The following RBM27 variants were observed in gnomAD, a reference collection of about 807,000 sequenced individuals.
The protein encoded by RBM27 is RNA-binding protein 27.
In RBM27, 22 loss-of-function variants were observed where a neutral mutation model predicts 135.3. The observed-to-expected ratio is 0.16, with a 90% CI of 0.12 to 0.23. The LOEUF (loss-of-function observed/expected upper bound fraction) is 0.23, where lower values mean the gene tolerates loss of function less well. RBM27 is among the 10% of genes least tolerant of loss of function. The pLI is 1.00. For missense variants in RBM27, 1,009 were observed against 1,281.0 expected, an observed-to-expected ratio of 0.79 and a Z score of 3.24; for synonymous variants, 481 against 442.4, an observed-to-expected ratio of 1.09 and a Z score of -1.10.
rs920914464 is a variant in RBM27, at chr5:146,262,901, T to C, written c.2191-590T>C. Among the ~76,000 whole-genome samples, 10 of 152,058 alleles carry C rather than the reference T, an allele frequency of 6.6e-5. 1 individual carries two copies. The highest frequency in any genetic ancestry group is 5.9e-4 in the Admixed American group (9 of 15,278). On this transcript the variant is annotated intron_variant, in intron 13 of 20. Transcript: ENST00000265271. ...CTTCTTCTTTTTTCCTTTTTTTTTTTTTTTGAGACAGTCCTGCTTTGTCGT... is the reference window on the plus strand; with the variant it reads ...CTTCTTCTTTTTTCCTTTTTTTTTTCTTTTGAGACAGTCCTGCTTTGTCGT...
At chr5:146,210,043 C>T (rs1755867252) in intron 1 of RBM27, among the ~76,000 whole-genome samples, 1 of 152,144 alleles carries the variant, frequency 6.6e-6, no homozygotes, top group Non-Finnish European at 1.5e-5. Flanking sequence ...CTACTTACTT[C>T]CTTATTAATC....
intron 6 of RBM27, 21 bp from the exon 7 acceptor site, chr5:146,233,429 T>G: frequency 6.6e-7 from 1 of 1,509,166 alleles, no homozygotes; most frequent in Non-Finnish European, 8.9e-7. Flanking sequence ...TAAGATTCTT[T>G]TTTTATTCTT....
chr5:146,233,850 A>T (rs1757052228), intron 7 of RBM27, 107 bp downstream of exon 7: 3 of 749,980 alleles, frequency 4.0e-6, no homozygotes, highest in Non-Finnish European at 5.7e-6. Context: ...TAGAGTAATA[A>T]TATAATTTGG....
At chr5:146,269,097 G>A (rs1758750250) in intron 15 of RBM27, 110 bp from the exon 16 acceptor site, 1 of 640,880 alleles carries the variant, frequency 1.6e-6, no homozygotes, top group Non-Finnish European at 2.7e-6. Context: ...TATGGTGTCA[G>A]CTATTTTTTT....
chr5:146,258,849 C>T (rs1758236265), intron 11 of RBM27, among the ~76,000 whole-genome samples: 1 of 151,768 alleles, frequency 6.6e-6, no homozygotes, highest in African/African-American at 2.4e-5. Context: ...ACCTCTGCCT[C>T]CTGGGTTGAA....
At chr5:146,206,614 C>T (rs1194755886) in intron 1 of RBM27, among the ~76,000 whole-genome samples, 1 of 151,308 alleles carries the variant, frequency 6.6e-6, no homozygotes, top group Non-Finnish European at 1.5e-5. Context: ...GAGTTTCGCT[C>T]TTGTTGTCCA....
At chr5:146,233,868 T>C in intron 7 of RBM27, 125 bp downstream of exon 7, 1 of 609,508 alleles carries the variant, frequency 1.6e-6, no homozygotes, top group East Asian at 3.4e-5. Flanking sequence ...TGGAATATAT[T>C]CCCATAATTA....
intron 19 of RBM27, among the ~76,000 whole-genome samples, chr5:146,277,860 C>T (rs1759161378): frequency 6.6e-6 from 1 of 151,922 alleles, no homozygotes; most frequent in African/African-American, 2.4e-5. Context: ...TGGGACAGTG[C>T]TGCACATTGT....
At chr5:146,229,659 T>A (rs890089141) in intron 4 of RBM27, 58 bp from the exon 5 acceptor site, 50 of 1,404,160 alleles carry the variant, frequency 3.6e-5, no homozygotes, top group Non-Finnish European at 4.6e-5. Flanking sequence ...TACTATAGAT[T>A]TGTTTGCAGA....
chr5:146,263,387 C>A (rs1334141283), intron 13 of RBM27, 104 bp from the exon 14 acceptor site: 2 of 1,145,368 alleles, frequency 1.7e-6, no homozygotes, highest in Admixed American at 2.4e-5. Context: ...CCTTCCCGTT[C>A]CCATTTTCTT....
intron 14 of RBM27, among the ~76,000 whole-genome samples, chr5:146,263,954 A>G (rs535707134): frequency 6.6e-6 from 1 of 150,932 alleles, no homozygotes; most frequent in East Asian, 2.0e-4. Context: ...AAAATACAAA[A>G]AAATTAGCTG....
chr5:146,258,062 G>A (rs1554082164), intron 10 of RBM27, among the ~76,000 whole-genome samples: 1 of 151,924 alleles, frequency 6.6e-6, no homozygotes, highest in South Asian at 2.1e-4. Flanking sequence ...CAGGTGATCC[G>A]CCCGCCTCGG....
At chr5:146,204,569 T>C (rs1461377990) in intron 1 of RBM27, among the ~76,000 whole-genome samples, 1 of 152,182 alleles carries the variant, frequency 6.6e-6, no homozygotes, top group African/African-American at 2.4e-5. Flanking sequence ...GTAAGTTTAG[T>C]TGAAGGTTGA....
At position 146,261,266 on chromosome 5, in the gene RBM27, A is replaced by G. The variant is rs866732003; in HGVS notation, c.1894-244A>G. ...ACATGGCAGACAGAGAAAGAGAAAGAGGGGGTCAGGGCAGATCTCTTTCTC... is the reference window on the plus strand; with the variant it reads ...ACATGGCAGACAGAGAAAGAGAAAGGGGGGGTCAGGGCAGATCTCTTTCTC... On this transcript the variant is annotated intron_variant, in intron 12 of 20. Coordinates refer to ENST00000265271, the MANE Select transcript of RBM27 (RefSeq NM_018989.2). The G allele has an allele frequency of 2.0e-5, 11 of 562,638 alleles. No individual in the cohort carries two copies. The East Asian group carries it at 2.4e-4, about 12-fold the overall frequency. 34.9% of individuals were successfully genotyped at this position (562,638 alleles called of 1,614,324 possible). A position where few individuals can be genotyped will look rare whatever the true frequency, so the allele number is the denominator to read the frequency against.
intron 11 of RBM27, among the ~76,000 whole-genome samples, chr5:146,259,377 G>A (rs577034284): frequency 2.2e-4 from 34 of 151,908 alleles, no homozygotes; most frequent in Admixed American, 1.8e-3. Context: ...GGTGGCACGC[G>A]CCTGTAATCC....
rs1370125545 is a variant in RBM27, at chr5:146,251,837, A to G, written c.1406A>G (p.Tyr469Cys). Residue 469 changes from tyrosine to cysteine, a missense_variant, in exon 9 of 21, where the codon TAC becomes TGC. This residue lies in a region of RBM27 where 329 missense variants were observed against 368.1 expected (regional missense o/e 0.89). Coordinates refer to ENST00000265271, the MANE Select transcript of RBM27 (RefSeq NM_018989.2). ...AACCTCATGGGATCCTCCATTGGAT[A>G]CCATACCTCAGTCTCCAGCCCTACC... is the stretch of plus-strand genomic sequence containing the variant. ...PRNLMGSSIG[Y>C]HTSVSSPTPL... The G allele has an allele frequency of 1.2e-6, 2 of 1,613,962 alleles. No individual in the cohort carries two copies. The highest frequency in any genetic ancestry group is 2.2e-5 in the South Asian group (2 of 91,074).
At chr5:146,241,351 C>T (rs1002640808) in intron 8 of RBM27, among the ~76,000 whole-genome samples, 3 of 152,122 alleles carry the variant, frequency 2.0e-5, no homozygotes, top group East Asian at 1.9e-4. Flanking sequence ...TGCCAGGCAT[C>T]GTGCCAGACA....
At chr5:146,275,249 C>G (rs1014641995) in intron 19 of RBM27, among the ~76,000 whole-genome samples, 9 of 151,450 alleles carry the variant, frequency 5.9e-5, no homozygotes, top group African/African-American at 1.9e-4. Flanking sequence ...CCAGAAAGAA[C>G]TTTTTAATTT....
chr5:146,218,942 A>T, intron 1 of RBM27, 43 bp from the exon 2 acceptor site: 1 of 1,300,980 alleles, frequency 7.7e-7, no homozygotes, highest in Non-Finnish European at 1.1e-6. Context: ...CTGTTTGATA[A>T]AAAGTGTTTT....
Sources: allele counts gnomAD v4.1 joint callset (sites outside exome capture counted in the v4.1 genomes callset), GRCh38; gene constraint gnomAD v4.1.1; regional missense constraint gnomAD v4.1.1; transcripts MANE v1.5; gene names NCBI Gene and HGNC (gene_info 2026-07-23, HGNC 2026-07-21).